ATP8B4: variants seen among roughly 807,000 people sequenced by gnomAD.
ATP8B4 encodes ATPase phospholipid transporting 8B4 (putative), also known as probable phospholipid-transporting ATPase IM.
In ATP8B4, 133 loss-of-function variants were observed where a neutral mutation model predicts 145.6. The ratio of observed to expected loss-of-function variants is 0.91; its 90% CI spans 0.79 to 1.05. The LOEUF is 1.05. Ranked by LOEUF, ATP8B4 falls within the 50% of genes least tolerant of loss-of-function variation. The pLI, the probability that ATP8B4 is intolerant of heterozygous loss-of-function variation, is 0.00. For synonymous variants in ATP8B4, 507 were observed against 492.9 expected (o/e 1.03, Z -0.38); for missense variants, 1,458 against 1,425.2 (o/e 1.02, Z -0.37).
chr15:50,169,102 T>A (rs1448328241), intron 1 of ATP8B4, among the ~76,000 whole-genome samples: 2 of 152,078 alleles, frequency 1.3e-5, no homozygotes, highest in African/African-American at 4.8e-5. Flanking sequence ...TCCACTCTGG[T>A]AGTGGAAGAA....
intron 6 of ATP8B4, among the ~76,000 whole-genome samples, chr15:50,036,045 G>A (rs1052982564): frequency 2.0e-5 from 3 of 152,152 alleles, no homozygotes; most frequent in Admixed American, 1.3e-4. Flanking sequence ...CAAGGATAGG[G>A]CCAAAACACT....
rs762641644 is a variant in ATP8B4, at chr15:49,860,272, A to AG, written c.3500dup (p.Ser1168Ter). ...TCTTACATAAATTTTCAATCCAGCT[A>AG]GTGCTATTATAATGTGTCTTTTCCA... On this transcript the variant is annotated frameshift_variant, in exon 28 of 28. Coordinates refer to ENST00000284509, the MANE Select transcript of ATP8B4 (RefSeq NM_024837.4). LOFTEE classifies it high-confidence loss of function. 1 of 1,614,120 alleles carries AG rather than the reference A, an allele frequency of 6.2e-7. No individual in the cohort carries two copies. The highest frequency in any genetic ancestry group is 8.5e-7 in the Non-Finnish European group (1 of 1,179,984).
intron 2 of ATP8B4, among the ~76,000 whole-genome samples, chr15:50,082,345 A>G (rs982469483): frequency 1.3e-5 from 2 of 152,158 alleles, no homozygotes; most frequent in African/African-American, 4.8e-5. Context: ...ACTTATTGAC[A>G]TTTAAGCAGA....
At position 50,156,063 on chromosome 15, in the gene ATP8B4, TAA is replaced by T. The variant is rs1567410346; in HGVS notation, c.-43+26196_-43+26197del. On this transcript the variant is annotated intron_variant, in intron 1 of 3. Transcript: ENST00000558829. ...ATAGCCCTGAATTCTTGGTAATAAA[TAA>T]ATAAATAAATATATATATATATATA... is the stretch of plus-strand genomic sequence containing the variant. Among the ~76,000 whole-genome samples, 94 of 29,516 alleles carry T rather than the reference TAA, an allele frequency of 3.2e-3. 2 individuals are homozygous for T. Among genetic ancestry groups the T allele is most frequent in the East Asian group, 7.1e-3 (6 of 848 alleles). The allele number at this position is 29,516 out of a possible 152,430, so 19.4% of individuals were successfully genotyped here.
chr15:50,166,578 A>G (rs1017773377), intron 1 of ATP8B4, among the ~76,000 whole-genome samples: 1 of 152,204 alleles, frequency 6.6e-6, no homozygotes, highest in Non-Finnish European at 1.5e-5. Flanking sequence ...ATCCACCTCC[A>G]GGAATGCACA....
chr15:49,930,463 C>T (rs1041557241), intron 16 of ATP8B4, among the ~76,000 whole-genome samples: 1 of 152,018 alleles, frequency 6.6e-6, no homozygotes, highest in Non-Finnish European at 1.5e-5. Flanking sequence ...TAAGAGTTAG[C>T]ATTGAGTCAG....
intron 14 of ATP8B4, among the ~76,000 whole-genome samples, chr15:49,947,450 A>G (rs576351713): frequency 9.9e-5 from 15 of 151,692 alleles, no homozygotes; most frequent in African/African-American, 3.4e-4. Flanking sequence ...AAAAAAAAAA[A>G]AAAAAGAAAA....
chr15:49,869,192 G>A (rs1381605103), intron 25 of ATP8B4, among the ~76,000 whole-genome samples: 9 of 152,060 alleles, frequency 5.9e-5, no homozygotes, highest in African/African-American at 1.2e-4. Context: ...GATTACAGGC[G>A]TGAGCCACTG....
In ATP8B4 at chr15:50,082,524, A is replaced by T. The variant is rs377484396; in HGVS notation, c.29-8339T>A. 9.2e-5 allele frequency among the ~76,000 whole-genome samples: 14 copies of T among 152,314 alleles called. 1 individual carries two copies. In the East Asian group the frequency reaches 1.2e-3, roughly 13 times the overall value. ...GCTCATCAGATCCAGATAGTTGGAA[A>T]ATTTGATTTGAGAACTTTATTCCTT... On this transcript the variant is annotated intron_variant, in intron 2 of 27. Transcript: ENST00000284509.
intron 1 of ATP8B4, among the ~76,000 whole-genome samples, chr15:50,134,309 T>G (rs1377249050): frequency 6.6e-6 from 1 of 152,148 alleles, no homozygotes; most frequent in Non-Finnish European, 1.5e-5. Context: ...TATGCAATGA[T>G]CAGCGCTCTT....
intron 14 of ATP8B4, among the ~76,000 whole-genome samples, chr15:49,940,834 G>T (rs1170721786): frequency 6.6e-6 from 1 of 152,092 alleles, no homozygotes; most frequent in East Asian, 1.9e-4. Context: ...GAATTTTCAG[G>T]CAGAGCACCA....
chr15:49,898,251 C>A lies in ATP8B4; in HGVS notation c.2290G>T (p.Ala764Ser), dbSNP rs755132808. Residue 764 changes from alanine to serine, a missense_variant and splice_region_variant, in exon 22 of 28, where the codon GCT (alanine) becomes TCT (serine). By Grantham distance (99) the Ala-to-Ser change is moderately conservative. Coordinates refer to ENST00000284509, the MANE Select transcript of ATP8B4 (RefSeq NM_024837.4). Reference sequence around the variant, plus strand: ...TTGACATCACTTTCTAGGGCATGAGCCTGTATGATTAAAAATAAAATTCAA... The same window carrying A: ...TTGACATCACTTTCTAGGGCATGAGACTGTATGATTAAAAATAAAATTCAA... The part of the protein sequence containing the change: ...YALIINGHSL[A>S]HALESDVKND... 2 of 1,608,430 alleles carry A rather than the reference C, an allele frequency of 1.2e-6. No individual in the cohort carries two copies. The highest frequency in any genetic ancestry group is 1.7e-6 in the Non-Finnish European group (2 of 1,176,366).
intron 7 of ATP8B4, among the ~76,000 whole-genome samples, chr15:50,004,231 TGC>T (rs1253664505): frequency 6.6e-6 from 1 of 151,860 alleles, no homozygotes; most frequent in Non-Finnish European, 1.5e-5. Flanking sequence ...GAGGAGGGAG[TGC>T]GAAGGGAAGG....
intron 1 of ATP8B4, among the ~76,000 whole-genome samples, chr15:50,166,299 G>A (rs2044597903): frequency 1.3e-5 from 2 of 152,174 alleles, no homozygotes; most frequent in Non-Finnish European, 2.9e-5. Flanking sequence ...GGAGGAAAAT[G>A]TCATCAGACA....
chr15:50,003,589 A>T (rs550653820), intron 7 of ATP8B4, among the ~76,000 whole-genome samples: 1 of 152,268 alleles, frequency 6.6e-6, no homozygotes, highest in African/African-American at 2.4e-5. Context: ...TATTTCCCAC[A>T]TTCAAATTTC....
At chr15:49,919,713 G>C (rs990127881) in intron 18 of ATP8B4, among the ~76,000 whole-genome samples, 1 of 152,064 alleles carries the variant, frequency 6.6e-6, no homozygotes, top group African/African-American at 2.4e-5. Flanking sequence ...CACCGCGCCC[G>C]GCCACGATTT....
intron 3 of ATP8B4, among the ~76,000 whole-genome samples, chr15:50,051,974 A>G (rs899021995): frequency 6.6e-6 from 1 of 152,230 alleles, no homozygotes; most frequent in African/African-American, 2.4e-5. Flanking sequence ...TTAGTCACAG[A>G]TGATGAAAAC....
At chr15:49,865,216 G>C (rs192526381) in intron 26 of ATP8B4, among the ~76,000 whole-genome samples, 1 of 152,278 alleles carries the variant, frequency 6.6e-6, no homozygotes, top group East Asian at 1.9e-4. Context: ...CTCCATAACA[G>C]CCTTAAAGAA....
chr15:49,971,979 G>T (rs1396341313), intron 13 of ATP8B4, among the ~76,000 whole-genome samples: 3 of 152,124 alleles, frequency 2.0e-5, no homozygotes, highest in Non-Finnish European at 2.9e-5. Context: ...GCAGAGACAT[G>T]GGTGAGGCTG....
Sources: allele counts gnomAD v4.1 joint callset (sites outside exome capture counted in the v4.1 genomes callset), GRCh38; gene constraint gnomAD v4.1.1; transcripts MANE v1.5; gene names NCBI Gene and HGNC (gene_info 2026-07-23, HGNC 2026-07-21).